PAK4: variants seen among roughly 807,000 people sequenced by gnomAD.
PAK4 encodes the protein p21 (RAC1) activated kinase 4, also known as serine/threonine-protein kinase PAK 4.
Under a neutral mutation model 53.5 loss-of-function variants are expected in PAK4, and 49 were observed. The ratio of observed to expected loss-of-function variants is 0.92; its 90% confidence interval spans 0.73 to 1.16. The LOEUF is 1.16. Among genes scored for constraint, PAK4 ranks in the 50% most tolerant of loss-of-function variants. The probability of loss-of-function intolerance (pLI) is 0.00; values close to 1 mark genes in which losing one functional copy is unlikely to be tolerated. For synonymous variants in PAK4, 376 were observed against 375.6 expected, an observed-to-expected ratio of 1.00 and a Z score of -0.01; for missense variants, 824 against 850.7, an observed-to-expected ratio of 0.97 and a Z score of 0.39.
intron 1 of PAK4, among the ~76,000 whole-genome samples, chr19:39,126,402 A>G (rs1057020891): frequency 2.5e-5 from 3 of 119,968 alleles, no homozygotes; most frequent in East Asian, 2.9e-4. Flanking sequence ...GCTGTTTCCC[A>G]GAGTCAAAAA....
rs543466757 is a variant in PAK4 at position 39,150,829 on chromosome 19, C to T, written c.-22-18703C>T. Reference sequence around the variant, plus strand: ...CTCTCATGATCTGCCTCCACCACACCGTCCCCGTTCAGGCCTGCTGCCCAC... The same window carrying T: ...CTCTCATGATCTGCCTCCACCACACTGTCCCCGTTCAGGCCTGCTGCCCAC... On this transcript the variant is annotated intron_variant, in intron 1 of 8. Transcript: ENST00000358301. Among the ~76,000 whole-genome samples the T allele has an allele frequency of 5.9e-5, 9 of 152,370 alleles. No homozygotes were observed. In the East Asian group the frequency reaches 7.7e-4, roughly 13 times the overall value.
chr19:39,134,765 A>G (rs1261629457), intron 1 of PAK4: 1 of 149,206 alleles, frequency 6.7e-6, no homozygotes, highest in African/African-American at 2.6e-5. Flanking sequence ...ATGCCTGGCT[A>G]ATTTTTTTTT....
At chr19:39,143,289 TAA>T (rs33954043) in intron 1 of PAK4, among the ~76,000 whole-genome samples, 36,026 of 117,844 alleles carry the variant, frequency 0.31, 5,603 homozygotes, top group Middle Eastern at 0.39. Flanking sequence ...GTAGAAGCAT[TAA>T]AAAAAAAAAA....
At chr19:39,147,590 G>T (rs1464483577) in intron 1 of PAK4, among the ~76,000 whole-genome samples, 1 of 152,188 alleles carries the variant, frequency 6.6e-6, no homozygotes, top group African/African-American at 2.4e-5. Context: ...TAGAGTGGCT[G>T]TACCATGTTA....
chr19:39,127,649 C>G (rs1293381108), intron 1 of PAK4, among the ~76,000 whole-genome samples: 1 of 152,126 alleles, frequency 6.6e-6, no homozygotes, highest in East Asian at 1.9e-4. Flanking sequence ...CACAGAGCCC[C>G]TAGCCTCAGA....
At chr19:39,128,050 A>C (rs2073623371) in intron 1 of PAK4, among the ~76,000 whole-genome samples, 1 of 152,116 alleles carries the variant, frequency 6.6e-6, no homozygotes, top group African/African-American at 2.4e-5. Flanking sequence ...GAGCTGCCTG[A>C]GGCCTTGATG....
chr19:39,180,846 G>A (rs1426785023), downstream of PAK4: 3 of 152,190 alleles, frequency 2.0e-5, no homozygotes, highest in Non-Finnish European at 2.9e-5. Flanking sequence ...TGTGACCATG[G>A]TTCCAGACCC....
chr19:39,157,944 A>G (rs939658219), intron 1 of PAK4, among the ~76,000 whole-genome samples: 4 of 152,208 alleles, frequency 2.6e-5, no homozygotes, highest in African/African-American at 9.7e-5. Flanking sequence ...ATGTGGTGTC[A>G]GCTGCGGACA....
At chr19:39,147,935 A>T (rs1600339820) in intron 1 of PAK4, among the ~76,000 whole-genome samples, 1 of 92,156 alleles carries the variant, frequency 1.1e-5, no homozygotes, top group African/African-American at 4.3e-5. Flanking sequence ...CTCATATGAG[A>T]TCTTTATCTA....
At chr19:39,167,472 A>G (rs1242151586) in intron 1 of PAK4, among the ~76,000 whole-genome samples, 1 of 152,088 alleles carries the variant, frequency 6.6e-6, no homozygotes, top group Non-Finnish European at 1.5e-5. Flanking sequence ...CTGGAAGGCC[A>G]CGAGGGAGGG....
chr19:39,174,117 TC>T, intron 4 of PAK4, 107 bp downstream of exon 5: 1 of 710,942 alleles, frequency 1.4e-6, no homozygotes, highest in Non-Finnish European at 2.3e-6. Context: ...TGGGCCAGGC[TC>T]CCCTCCTCCC....
rs1329101367 is a variant in PAK4 at position 39,173,125 on chromosome 19, T to A, written c.412T>A (p.Phe138Ile). 1 of 1,547,140 alleles carries A rather than the reference T, an allele frequency of 6.5e-7. No homozygotes were observed. The highest frequency in any genetic ancestry group is 8.7e-7 in the Non-Finnish European group (1 of 1,145,392). ...AGGGAAGGCAGGCAGCCGAGGCCGGTTCGCCGGTCACAGCGAGGCGGGTGG... is the reference window on the plus strand; with the variant it reads ...AGGGAAGGCAGGCAGCCGAGGCCGGATCGCCGGTCACAGCGAGGCGGGTGG... Residue 138 changes from phenylalanine to isoleucine, a missense_variant, in exon 3 of 9, where the codon TTC becomes ATC. Around this residue, in one of 2 missense-constraint regions of PAK4, gnomAD observed 478 missense variants for 435.8 expected, o/e 1.10. Transcript: ENST00000358301. The surrounding 1 kb of genome is among the most constrained non-coding windows in gnomAD (Gnocchi z 6.9).
At chr19:39,162,355 G>T (rs1187042016) in intron 1 of PAK4, among the ~76,000 whole-genome samples, 2 of 145,992 alleles carry the variant, frequency 1.4e-5, no homozygotes, top group African/African-American at 5.1e-5. Flanking sequence ...TCCCAGGCTC[G>T]GGTGATTCTC....
chr19:39,160,964 C>A (rs1228747741), intron 1 of PAK4, among the ~76,000 whole-genome samples: 2 of 152,248 alleles, frequency 1.3e-5, no homozygotes, highest in Admixed American at 6.5e-5. Context: ...CTTGCCTTCT[C>A]TGTGGGACAG....
intron 1 of PAK4, among the ~76,000 whole-genome samples, chr19:39,162,980 C>T (rs1737388072): frequency 1.3e-5 from 2 of 151,938 alleles, no homozygotes; most frequent in African/African-American, 4.8e-5. Context: ...GGGTTGGGGG[C>T]CGTGCAGGAT....
In PAK4 at chr19:39,158,241, G is replaced by A. The variant is rs368856923; in HGVS notation, c.-22-11291G>A. Among the ~76,000 whole-genome samples the A allele has an allele frequency of 1.2e-4, 19 of 152,286 alleles. 1 individual carries two copies. The highest frequency in any genetic ancestry group is 3.6e-4 in the African/African-American group (15 of 41,562). On this transcript the variant is annotated intron_variant, in intron 1 of 8. Coordinates refer to ENST00000358301, the Ensembl canonical transcript of PAK4. Reference sequence around the variant, plus strand: ...TGTGCGTGTGTGTGCATGTGTGTGCGCGCATGTGTGAGCATGCATGTGTTG... The same window carrying A: ...TGTGCGTGTGTGTGCATGTGTGTGCACGCATGTGTGAGCATGCATGTGTTG...
intron 1 of PAK4, among the ~76,000 whole-genome samples, chr19:39,148,361 A>G (rs1403012233): frequency 4.0e-5 from 6 of 151,684 alleles, no homozygotes. Context: ...TTGCAGAGCA[A>G]AAGTTTTTAA....
At chr19:39,133,266 A>G (rs1273956900) in intron 1 of PAK4, among the ~76,000 whole-genome samples, 1 of 152,238 alleles carries the variant, frequency 6.6e-6, no homozygotes, top group Non-Finnish European at 1.5e-5. Flanking sequence ...GGCAGGCAAA[A>G]TGTATAGTAA....
Position 39,178,496 on chromosome 19 carries a change from G to A in PAK4, c.1693G>A (p.Glu565Lys), listed in dbSNP as rs150747591. Residue 565 changes from glutamate (E) to lysine (K), a missense_variant, in exon 9 of 9, where the codon GAG (glutamate) becomes AAG (lysine). Physicochemically the swap from Glu to Lys is moderately conservative, Grantham distance 56. Transcript: ENST00000358301. This position sits in a 1 kb window ranked among gnomAD's most constrained non-coding sequence, Gnocchi z 4.4. ...CCCTGCCCAGCGGGCCACGGCAGCC[G>A]AGCTGCTGAAGCACCCATTCCTGGC... The A allele has an allele frequency of 7.1e-5, 114 of 1,612,028 alleles. No individual in the cohort carries two copies. The highest frequency in any genetic ancestry group is 3.8e-4 in the East Asian group (17 of 44,816).
Sources: gnomAD v4.1 joint callset for allele counts (sites outside exome capture counted in the v4.1 genomes callset) on GRCh38, gnomAD v4.1.1 for gene constraint, gnomAD v4.1.1 regional missense constraint, Gnocchi (gnomAD v3.1) non-coding constraint, MANE v1.5 for transcripts, NCBI Gene and HGNC (gene_info 2026-07-23, HGNC 2026-07-21) for gene names.